Variants in SLC24A2 observed in about 807,000 individuals in gnomAD.
SLC24A2 encodes the protein sodium/potassium/calcium exchanger 2.
A neutral mutation model predicts 62.0 loss-of-function variants in SLC24A2; 36 were observed. The ratio of observed to expected loss-of-function variants is 0.58; its 90% confidence interval spans 0.44 to 0.77. The LOEUF is 0.77. Ranked by LOEUF, SLC24A2 falls within the 30% of genes least tolerant of loss-of-function variation. The probability of loss-of-function intolerance (pLI) is 0.00; values close to 1 mark genes in which losing one functional copy is unlikely to be tolerated. For synonymous variants in SLC24A2, 358 were observed against 294.0 expected, an observed-to-expected ratio of 1.22 and a Z score of -2.23; for missense variants, 846 against 817.9, an observed-to-expected ratio of 1.03 and a Z score of -0.42.
At chr9:19,661,548 T>C (rs951558820) in intron 2 of SLC24A2, among the ~76,000 whole-genome samples, 1 of 152,204 alleles carries the variant, frequency 6.6e-6, no homozygotes, top group Admixed American at 6.5e-5. Flanking sequence ...CCAATTCAGC[T>C]CAATATTTCT....
rs149018233 is a variant in SLC24A2 at position 19,623,435 on chromosome 9, C to A, written c.931-1136G>T. Among the ~76,000 whole-genome samples the A allele has an allele frequency of 2.7e-3, 405 of 152,264 alleles. 12 individuals carry two copies. In the East Asian group the frequency reaches 0.036, roughly 14 times the overall value. ...CTAGGCTTTCTGTTTTAGGGTCTAC[C>A]ACACCTACCATGTAAAGATATTAAG... On this transcript the variant is annotated intron_variant, in intron 2 of 10. Coordinates refer to ENST00000341998, the MANE Select transcript of SLC24A2 (RefSeq NM_020344.4).
chr9:19,930,551 G>A, the SLC24A2 span, among the ~76,000 whole-genome samples: 39 of 152,288 alleles, frequency 2.6e-4, no homozygotes, highest in African/African-American at 8.7e-4. Context: ...ACTGCCCCTA[G>A]AGTCTTCTCA....
the SLC24A2 span, among the ~76,000 whole-genome samples, chr9:19,799,773 T>C: frequency 6.6e-6 from 1 of 152,222 alleles, no homozygotes; most frequent in Non-Finnish European, 1.5e-5. Flanking sequence ...GTCACCACTA[T>C]AAATATGCTT....
chr9:19,574,027 CTATCT>C, intron 6 of SLC24A2, among the ~76,000 whole-genome samples: 1 of 152,116 alleles, frequency 6.6e-6, no homozygotes, highest in Non-Finnish European at 1.5e-5. Flanking sequence ...GATCGGGTTG[CTATCT>C]TAGGCTAGTT....
At chr9:20,184,879 A>T in the SLC24A2 span, among the ~76,000 whole-genome samples, 5 of 151,602 alleles carry the variant, frequency 3.3e-5, no homozygotes, top group Admixed American at 6.6e-5. Flanking sequence ...TGAATGGATT[A>T]AAAAAAATGT....
At chr9:19,775,415 C>T (rs1192749962) in intron 2 of SLC24A2, among the ~76,000 whole-genome samples, 1 of 152,180 alleles carries the variant, frequency 6.6e-6, no homozygotes, top group African/African-American at 2.4e-5. Context: ...ACTCTGCAAT[C>T]GTTCTATCTC....
chr9:19,835,866 A>T, the SLC24A2 span, among the ~76,000 whole-genome samples: 1 of 152,228 alleles, frequency 6.6e-6, no homozygotes, highest in Non-Finnish European at 1.5e-5. Flanking sequence ...CAGAAATTAC[A>T]ACAAACTGTC....
the SLC24A2 span, among the ~76,000 whole-genome samples, chr9:20,276,633 C>A: frequency 1.3e-5 from 2 of 152,160 alleles, no homozygotes; most frequent in African/African-American, 4.8e-5. Context: ...TGTAGGGGCT[C>A]CCCCTTCACA....
chr9:19,897,639 G>A, the SLC24A2 span, among the ~76,000 whole-genome samples: 1 of 152,164 alleles, frequency 6.6e-6, no homozygotes, highest in Non-Finnish European at 1.5e-5. Flanking sequence ...TTATTAAATA[G>A]AAAGGTTCTA....
chr9:20,032,755 G>T, the SLC24A2 span, among the ~76,000 whole-genome samples: 1 of 152,138 alleles, frequency 6.6e-6, no homozygotes, highest in African/African-American at 2.4e-5. Flanking sequence ...TGAATGAGGT[G>T]GTGGCGGGAG....
At chr9:19,898,906 G>T in the SLC24A2 span, among the ~76,000 whole-genome samples, 1 of 152,264 alleles carries the variant, frequency 6.6e-6, no homozygotes, top group East Asian at 1.9e-4. Context: ...GTGGCTCAGA[G>T]GAGGCCAAAT....
chr9:19,542,250 A>T (rs927520623), intron 8 of SLC24A2, among the ~76,000 whole-genome samples: 3 of 151,978 alleles, frequency 2.0e-5, no homozygotes, highest in African/African-American at 7.3e-5. Flanking sequence ...TTTGTCTTTT[A>T]TTGGTGTATA....
chr9:19,576,334 A>C (rs1293675849), intron 6 of SLC24A2, among the ~76,000 whole-genome samples: 1 of 152,228 alleles, frequency 6.6e-6, no homozygotes, highest in Non-Finnish European at 1.5e-5. Context: ...AAGATGCCTG[A>C]ATGTCACAAT....
chr9:19,709,976 C>G (rs1014602703), intron 2 of SLC24A2, among the ~76,000 whole-genome samples: 2 of 152,154 alleles, frequency 1.3e-5, no homozygotes, highest in African/African-American at 4.8e-5. Context: ...AGAAGATTCT[C>G]AACTGGATCC....
chr9:19,725,158 C>T (rs1821135043), intron 2 of SLC24A2, among the ~76,000 whole-genome samples: 1 of 152,122 alleles, frequency 6.6e-6, no homozygotes, highest in Admixed American at 6.6e-5. Flanking sequence ...AGTGCGTGTG[C>T]TACCAGCATC....
chr9:19,907,510 T>A, the SLC24A2 span, among the ~76,000 whole-genome samples: 1 of 152,186 alleles, frequency 6.6e-6, no homozygotes, highest in Non-Finnish European at 1.5e-5. Flanking sequence ...TAAAGGTTAT[T>A]CAAGTAGGAA....
chr9:19,643,695 C>T (rs188899927), intron 2 of SLC24A2, among the ~76,000 whole-genome samples: 2 of 152,320 alleles, frequency 1.3e-5, no homozygotes, highest in South Asian at 2.1e-4. Flanking sequence ...TAACTATGAA[C>T]ATCTGTGTAT....
the SLC24A2 span, among the ~76,000 whole-genome samples, chr9:20,025,645 A>C: frequency 6.6e-6 from 1 of 152,144 alleles, no homozygotes; most frequent in Non-Finnish European, 1.5e-5. Flanking sequence ...CACTAATTCC[A>C]GTTCTTAAAA....
chr9:19,629,963 C>T lies in SLC24A2; in HGVS notation c.931-7664G>A, dbSNP rs138093105. Among the ~76,000 whole-genome samples, 322 of 152,270 alleles carry T rather than the reference C, an allele frequency of 2.1e-3. 1 individual carries two copies. Among genetic ancestry groups the T allele is most frequent in the Non-Finnish European group, 4.0e-3 (272 of 68,010 alleles). Reference sequence around the variant, plus strand: ...CACTTATATATGGCCAAGGATTCTTCTAGGTTCCTGGGATTTAGGTGTGGC... The same window carrying T: ...CACTTATATATGGCCAAGGATTCTTTTAGGTTCCTGGGATTTAGGTGTGGC... On this transcript the variant is annotated intron_variant, in intron 2 of 10. Coordinates refer to ENST00000341998, the MANE Select transcript of SLC24A2 (RefSeq NM_020344.4).
Sources: gnomAD v4.1 joint callset for allele counts (sites outside exome capture counted in the v4.1 genomes callset) on GRCh38, gnomAD v4.1.1 for gene constraint, MANE v1.5 for transcripts, NCBI Gene and HGNC (gene_info 2026-07-23, HGNC 2026-07-21) for gene names.